The following AP3S2 variants were observed in gnomAD, a reference collection of about 807,000 sequenced individuals.
The protein encoded by AP3S2 is adaptor related protein complex 3 subunit sigma 2.
Under a neutral mutation model 23.4 loss-of-function variants are expected in AP3S2, and 22 were observed. The ratio of observed to expected loss-of-function variants is 0.94; its 90% CI spans 0.67 to 1.34. The LOEUF (loss-of-function observed/expected upper bound fraction) is 1.34, where lower values mean the gene tolerates loss of function less well. Ranked by LOEUF, AP3S2 falls within the 40% of genes most tolerant of loss-of-function variation. The pLI, the probability that AP3S2 is intolerant of heterozygous loss-of-function variation, is 0.00. For synonymous variants in AP3S2, 86 were observed against 87.1 expected, an observed-to-expected ratio of 0.99 and a Z score of 0.07; for missense variants, 241 against 236.9, an observed-to-expected ratio of 1.02 and a Z score of -0.11.
chr15:89,840,837 G>A (rs1342550146), intron 4 of AP3S2, among the ~76,000 whole-genome samples: 2 of 152,160 alleles, frequency 1.3e-5, no homozygotes, highest in African/African-American at 4.8e-5. Context: ...TGATTCCGGA[G>A]CTCATGTTCT....
chr15:89,870,778 C>A (rs964144275), intron 4 of AP3S2, among the ~76,000 whole-genome samples: 1 of 152,146 alleles, frequency 6.6e-6, no homozygotes, highest in African/African-American at 2.4e-5. Flanking sequence ...AAACCAGGAC[C>A]AAGCAAACCA....
intron 4 of AP3S2, among the ~76,000 whole-genome samples, chr15:89,871,151 A>G (rs28508206): frequency 0.047 from 7,154 of 152,324 alleles, 455 homozygotes; most frequent in African/African-American, 0.15. Context: ...AACTAATTTT[A>G]TAATCAGCAT....
At chr15:89,882,922 C>G (rs1339995482) in intron 3 of AP3S2, among the ~76,000 whole-genome samples, 6 of 152,154 alleles carry the variant, frequency 3.9e-5, no homozygotes, top group Non-Finnish European at 7.3e-5. Flanking sequence ...CGGAATTATA[C>G]TTGGTTTTCC....
chr15:89,884,779 TG>T (rs1159281032), intron 3 of AP3S2, among the ~76,000 whole-genome samples: 2 of 151,968 alleles, frequency 1.3e-5, no homozygotes, highest in Non-Finnish European at 2.9e-5. Flanking sequence ...CCCGTGTAGC[TG>T]GGACTACAGG....
chr15:89,848,663 A>C (rs994786253), intron 4 of AP3S2: 2 of 152,282 alleles, frequency 1.3e-5, no homozygotes, highest in African/African-American at 4.8e-5. Context: ...AGCTGGTTTC[A>C]TTAATTCCTA....
chr15:89,893,945 A>C lies in AP3S2; in HGVS notation c.5T>G (p.Ile2Ser), dbSNP rs1399963383. ...GTTGTTGAAAACCAGAATCGCCTGAATCATCTTTGCCAGCCACGGTTCTCT... is the reference window on the plus strand; with the variant it reads ...GTTGTTGAAAACCAGAATCGCCTGACTCATCTTTGCCAGCCACGGTTCTCT... MIQAILVFNNHG... is the reference protein window; with the variant it reads MSQAILVFNNHG... The change falls in exon 1 of 6, where the codon ATT (isoleucine) becomes AGT (serine). Residue 2 changes from isoleucine to serine, a missense_variant. Physicochemically the swap from Ile to Ser is moderately radical, Grantham distance 142. Coordinates refer to ENST00000336418, the MANE Select transcript of AP3S2 (RefSeq NM_005829.5). 5.2e-6 allele frequency: 8 copies of C among 1,551,548 alleles called. No homozygotes were observed. The highest frequency in any genetic ancestry group is 2.4e-5 in the South Asian group (2 of 84,054).
chr15:89,850,041 G>T (rs1230209281), intron 4 of AP3S2, among the ~76,000 whole-genome samples: 1 of 152,136 alleles, frequency 6.6e-6, no homozygotes, highest in Non-Finnish European at 1.5e-5. Flanking sequence ...GTATTTCATG[G>T]TAAATTGTAT....
intron 4 of AP3S2, among the ~76,000 whole-genome samples, chr15:89,860,344 C>T (rs973143263): frequency 6.6e-6 from 1 of 152,146 alleles, no homozygotes; most frequent in African/African-American, 2.4e-5. Context: ...ATTACTCTTG[C>T]ACTTTGGGGC....
chr15:89,890,374 T>C (rs1177736428), intron 1 of AP3S2, among the ~76,000 whole-genome samples: 1 of 152,184 alleles, frequency 6.6e-6, no homozygotes, highest in Non-Finnish European at 1.5e-5. Context: ...ACTACGTGCA[T>C]AAGAAAGCTC....
intron 4 of AP3S2, among the ~76,000 whole-genome samples, chr15:89,850,220 C>G (rs1415568897): frequency 1.3e-5 from 2 of 152,190 alleles, no homozygotes; most frequent in African/African-American, 4.8e-5. Flanking sequence ...GTTTGATCTT[C>G]AGACTGGACA....
intron 4 of AP3S2, among the ~76,000 whole-genome samples, chr15:89,846,755 T>C (rs1895502006): frequency 6.6e-6 from 1 of 152,218 alleles, no homozygotes; most frequent in Non-Finnish European, 1.5e-5. Context: ...CTCGATCTCC[T>C]GACCTTGTGA....
intron 3 of AP3S2, among the ~76,000 whole-genome samples, chr15:89,886,014 A>G (rs568290111): frequency 3.3e-5 from 5 of 152,116 alleles, no homozygotes; most frequent in Non-Finnish European, 4.4e-5. Flanking sequence ...TACCAAATCC[A>G]ATGTACAATG....
chr15:89,841,880 T>C (rs1472319899), intron 4 of AP3S2, among the ~76,000 whole-genome samples: 1 of 151,600 alleles, frequency 6.6e-6, no homozygotes, highest in Non-Finnish European at 1.5e-5. Context: ...AGGAAAGAAA[T>C]AGGAAAACCA....
In AP3S2 at chr15:89,880,903, C is replaced by T. The variant is rs369365016; in HGVS notation, c.273+7618G>A. Among the ~76,000 whole-genome samples, 9 of 152,204 alleles carry T rather than the reference C, an allele frequency of 5.9e-5. No homozygotes were observed. In the East Asian group the frequency reaches 1.2e-3, roughly 20 times the overall value. ...GTCATGTTCTTATCCAGTTTATATT[C>T]TGGGTGTGGGAAGAACAAGGAGGCA... On this transcript the variant is annotated intron_variant, in intron 3 of 5. Coordinates refer to ENST00000336418, the MANE Select transcript of AP3S2 (RefSeq NM_005829.5).
chr15:89,879,600 C>CTT, intron 3 of AP3S2, among the ~76,000 whole-genome samples: 1 of 152,194 alleles, frequency 6.6e-6, no homozygotes, highest in African/African-American at 2.4e-5. Flanking sequence ...AGTATGATTA[C>CTT]TTTTAATTTT....
intron 4 of AP3S2, among the ~76,000 whole-genome samples, chr15:89,868,026 A>T (rs1345007721): frequency 3.4e-5 from 3 of 88,982 alleles, no homozygotes; most frequent in East Asian, 4.1e-4. Context: ...CGCCCCGTCC[A>T]GGAGGTGAGG....
intron 4 of AP3S2, among the ~76,000 whole-genome samples, chr15:89,868,247 C>T (rs1348922153): frequency 3.1e-4 from 16 of 50,976 alleles, no homozygotes; most frequent in African/African-American, 4.8e-4. Context: ...CCAGCCGCCC[C>T]GTCTGGGAGG....
chr15:89,865,309 C>T (rs1896091751), intron 4 of AP3S2: 2 of 152,050 alleles, frequency 1.3e-5, no homozygotes, highest in Admixed American at 1.3e-4. Flanking sequence ...CATGGCACTT[C>T]CACTCACACT....
At chr15:89,868,144 C>CAT in intron 4 of AP3S2, among the ~76,000 whole-genome samples, 1 of 90,474 alleles carries the variant, frequency 1.1e-5, no homozygotes, top group Non-Finnish European at 2.5e-5. Flanking sequence ...CCCGGCCAGC[C>CAT]GCCCCGTCCG....
Sources: gnomAD v4.1 joint callset for allele counts (sites outside exome capture counted in the v4.1 genomes callset) on GRCh38, gnomAD v4.1.1 for gene constraint, MANE v1.5 for transcripts, NCBI Gene and HGNC (gene_info 2026-07-23, HGNC 2026-07-21) for gene names.